The following COL4A4 variants were observed in gnomAD, a reference collection of about 807,000 sequenced individuals.
The protein encoded by COL4A4 is collagen alpha-4(IV) chain.
In COL4A4, 105 loss-of-function variants were observed where a neutral mutation model predicts 192.9. The ratio of observed to expected loss-of-function variants is 0.54; its 90% CI spans 0.46 to 0.64. The LOEUF is 0.64. Among genes scored for constraint, COL4A4 ranks in the 30% least tolerant of loss-of-function variants. The pLI, the probability that COL4A4 is intolerant of heterozygous loss-of-function variation, is 0.00. For missense variants in COL4A4, 1,967 were observed against 2,169.3 expected, an observed-to-expected ratio of 0.91 and a Z score of 1.85; for synonymous variants, 762 against 769.9, an observed-to-expected ratio of 0.99 and a Z score of 0.17.
intron 29 of COL4A4, among the ~76,000 whole-genome samples, chr2:227,056,919 T>C (rs1261062428): frequency 1.3e-5 from 2 of 152,186 alleles, no homozygotes; most frequent in African/African-American, 4.8e-5. Context: ...TAAATTTCTG[T>C]TGTTTATAAA....
chr2:227,098,202 A>C (rs191383626), intron 19 of COL4A4, among the ~76,000 whole-genome samples: 2 of 152,242 alleles, frequency 1.3e-5, no homozygotes, highest in African/African-American at 4.8e-5. Context: ...GATTTAAGCA[A>C]GGGATTAGGT....
chr2:227,104,055 T>TA lies in COL4A4; in HGVS notation c.736-4dup, dbSNP rs750699545. On this transcript the variant is annotated splice_region_variant and splice_polypyrimidine_tract_variant and intron_variant, in intron 12 of 47. Transcript: ENST00000396625. ...GAACCTTGCTGACCAACCTCACCCTTAAAAAAAAAAGCAAGATAATGAAAA... is the reference window on the plus strand; with the variant it reads ...GAACCTTGCTGACCAACCTCACCCTTAAAAAAAAAAAGCAAGATAATGAAAA... The TA allele has an allele frequency of 9.8e-3, 12,326 of 1,260,118 alleles. No individual in the cohort carries two copies. The highest frequency in any genetic ancestry group is 0.011 in the Non-Finnish European group (10,439 of 918,426). The allele number at this position is 1,260,118 out of a possible 1,614,324, so 78.1% of individuals were successfully genotyped here. A position where few individuals can be genotyped will look rare whatever the true frequency, so the allele number is the denominator to read the frequency against.
At chr2:227,024,394 C>T (rs978780236) in intron 43 of COL4A4, among the ~76,000 whole-genome samples, 2 of 152,184 alleles carry the variant, frequency 1.3e-5, no homozygotes, top group East Asian at 1.9e-4. Context: ...TGCCTGTAAT[C>T]CCAGCTACCT....
chr2:227,099,594 T>C, intron 18 of COL4A4, 26 bp downstream of exon 18: 9 of 1,608,952 alleles, frequency 5.6e-6, no homozygotes, highest in Non-Finnish European at 7.7e-6. Flanking sequence ...GCATAATTTA[T>C]GGAGGAACTG....
intron 20 of COL4A4, among the ~76,000 whole-genome samples, chr2:227,093,594 A>G (rs1364903637): frequency 6.6e-6 from 1 of 151,686 alleles, no homozygotes. Flanking sequence ...CCACACCCCC[A>G]TGATCTCATC....
intron 37 of COL4A4, among the ~76,000 whole-genome samples, chr2:227,041,846 A>AGAGAGAGAG (rs1971273307): frequency 2.5e-4 from 10 of 39,310 alleles, no homozygotes; most frequent in African/African-American, 1.1e-3. Flanking sequence ...GAAAGAAAGA[A>AGAGAGAGAG]AGAGAAAGAA....
At chr2:226,986,159 C>T in the COL4A4 span, among the ~76,000 whole-genome samples, 1 of 152,192 alleles carries the variant, frequency 6.6e-6, no homozygotes, top group Non-Finnish European at 1.5e-5. Context: ...CTGTCTGCTA[C>T]CACTCAAGAC....
chr2:227,115,063 G>A (rs1158291818), intron 7 of COL4A4, among the ~76,000 whole-genome samples: 1 of 152,016 alleles, frequency 6.6e-6, no homozygotes, highest in Non-Finnish European at 1.5e-5. Flanking sequence ...TATATATAGA[G>A]AGAGAGATTT....
At chr2:227,155,359 A>T (rs1385276186) in intron 1 of COL4A4, among the ~76,000 whole-genome samples, 3 of 152,190 alleles carry the variant, frequency 2.0e-5, no homozygotes, top group Non-Finnish European at 4.4e-5. Flanking sequence ...TATCAACAGA[A>T]AATTTGACAG....
At chr2:227,074,090 AT>A (rs1189370555) in intron 25 of COL4A4, among the ~76,000 whole-genome samples, 1 of 152,186 alleles carries the variant, frequency 6.6e-6, no homozygotes, top group African/African-American at 2.4e-5. Context: ...AACAAAAAAA[AT>A]AAATAAGTAG....
the COL4A4 span, among the ~76,000 whole-genome samples, chr2:226,987,034 G>A: frequency 6.6e-6 from 1 of 152,184 alleles, no homozygotes; most frequent in Non-Finnish European, 1.5e-5. Context: ...GCAGGGACAT[G>A]GATGAAGCTG....
intron 5 of COL4A4, 189 bp downstream of exon 5, chr2:227,120,825 G>C: frequency 1.5e-6 from 1 of 649,370 alleles, no homozygotes; most frequent in Non-Finnish European, 2.7e-6. Context: ...TGTAATCCCA[G>C]CTACTTGGGA....
In COL4A4 at chr2:227,057,612, C is replaced by T. The variant is rs1192948177; in HGVS notation, c.2384-12G>A. 1 of 1,613,878 alleles carries T rather than the reference C, an allele frequency of 6.2e-7. No homozygotes were observed. Among genetic ancestry groups the T allele is most frequent in the South Asian group, 1.1e-5 (1 of 90,998 alleles). ...AATGCCAGCTGGCCCTGAAATGATA[C>T]AATACATCCATGACATTCATGACAA... On this transcript the variant is annotated splice_polypyrimidine_tract_variant and intron_variant, in intron 28 of 47. Transcript: ENST00000396625.
chr2:227,022,958 G>C (rs1002342803), intron 43 of COL4A4, among the ~76,000 whole-genome samples: 1 of 152,146 alleles, frequency 6.6e-6, no homozygotes, highest in Non-Finnish European at 1.5e-5. Flanking sequence ...TAACTCCCAC[G>C]ATGATTCCAG....
At position 227,060,125 on chromosome 2, in the gene COL4A4, ACC is replaced by A; in HGVS notation, c.2164+9_2164+10del. On this transcript the variant is annotated intron_variant, in intron 27 of 47. Coordinates refer to ENST00000396625, the MANE Select transcript of COL4A4 (RefSeq NM_000092.5). ...AGAAAAAAAAAAAAAAAAAAAAAAAACCTCACTGACCAGGTGGACCTGGTATT... is the reference window on the plus strand; with the variant it reads ...AGAAAAAAAAAAAAAAAAAAAAAAAATCACTGACCAGGTGGACCTGGTATT... The A allele has an allele frequency of 4.2e-6, 6 of 1,435,996 alleles. No homozygotes were observed. The highest frequency in any genetic ancestry group is 2.3e-5 in the East Asian group (1 of 43,990). The allele number at this position is 1,435,996 out of a possible 1,614,324, so 89.0% of individuals were successfully genotyped here. A position where few individuals can be genotyped will look rare whatever the true frequency, so the allele number is the denominator to read the frequency against.
chr2:227,033,484 G>C lies in COL4A4; in HGVS notation c.3506-3C>G. The C allele has an allele frequency of 6.2e-7, 1 of 1,612,532 alleles. No homozygotes were observed. The highest frequency in any genetic ancestry group is 8.5e-7 in the Non-Finnish European group (1 of 1,179,748). On this transcript the variant is annotated splice_region_variant and splice_polypyrimidine_tract_variant and intron_variant, in intron 37 of 47. Coordinates refer to ENST00000396625, the MANE Select transcript of COL4A4 (RefSeq NM_000092.5). Reference sequence around the variant, plus strand: ...CAGGCCAGGTGATCCGGAGGGACCTGAAAAACACCACAGGCCTGTGACCCA... The same window carrying C: ...CAGGCCAGGTGATCCGGAGGGACCTCAAAAACACCACAGGCCTGTGACCCA...
At chr2:227,041,848 G>GAGAGAGAGAGAGAGAGAAAGAA (rs1971305412) in intron 37 of COL4A4, among the ~76,000 whole-genome samples, 2 of 38,736 alleles carry the variant, frequency 5.2e-5, no homozygotes, top group Non-Finnish European at 9.5e-5. Flanking sequence ...AAGAAAGAAA[G>GAGAGAGAGAGAGAGAGAAAGAA]AGAAAGAAAG....
chr2:227,085,692 A>C (rs549038641), intron 22 of COL4A4, among the ~76,000 whole-genome samples: 4 of 152,274 alleles, frequency 2.6e-5, no homozygotes, highest in African/African-American at 9.6e-5. Flanking sequence ...ATCTCCTGTG[A>C]ACTAACTGAG....
chr2:227,089,741 G>GTACT (rs2150613732), intron 21 of COL4A4, 127 bp downstream of exon 21: 1 of 756,486 alleles, frequency 1.3e-6, no homozygotes, highest in East Asian at 2.7e-5. Context: ...ACTTAATGGA[G>GTACT]TACTCTAGTG....
Sources: gnomAD v4.1 joint callset for allele counts (sites outside exome capture counted in the v4.1 genomes callset) on GRCh38, gnomAD v4.1.1 for gene constraint, MANE v1.5 for transcripts, NCBI Gene and HGNC (gene_info 2026-07-23, HGNC 2026-07-21) for gene names.